CDO1: variants seen among roughly 807,000 people sequenced by gnomAD.
The protein encoded by CDO1 is cysteine dioxygenase type 1.
In CDO1, 19 loss-of-function variants were observed where a neutral mutation model predicts 24.5. The observed-to-expected ratio is 0.77, with a 90% confidence interval of 0.54 to 1.14. CDO1 has a LOEUF of 1.14. CDO1 is among the 50% of genes most tolerant of loss of function. The pLI is 0.00. For synonymous variants in CDO1, 91 were observed against 87.0 expected, an observed-to-expected ratio of 1.05 and a Z score of -0.26; for missense variants, 244 against 244.8, an observed-to-expected ratio of 1.00 and a Z score of 0.02.
intron 2 of CDO1, among the ~76,000 whole-genome samples, chr5:115,812,825 A>C (rs915006986): frequency 3.3e-5 from 5 of 152,082 alleles, no homozygotes; most frequent in African/African-American, 1.2e-4. Flanking sequence ...AGGTGAGTGG[A>C]TCACCTGAGG....
chr5:115,807,694 A>G (rs967951689), intron 3 of CDO1, among the ~76,000 whole-genome samples: 3 of 151,958 alleles, frequency 2.0e-5, no homozygotes, highest in Non-Finnish European at 2.9e-5. Flanking sequence ...AAAAAAGAGG[A>G]ACAGTTCAAG....
chr5:115,807,453 A>G (rs182911496), intron 3 of CDO1, among the ~76,000 whole-genome samples: 1 of 152,176 alleles, frequency 6.6e-6, no homozygotes, highest in African/African-American at 2.4e-5. Context: ...AGTATGAAAG[A>G]CAGAGGGCAG....
At chr5:115,806,091 T>A (rs1759933542) in intron 4 of CDO1, among the ~76,000 whole-genome samples, 1 of 152,212 alleles carries the variant, frequency 6.6e-6, no homozygotes, top group Non-Finnish European at 1.5e-5. Context: ...AAATAATAGT[T>A]TTCACTCTCA....
At chr5:115,814,813 T>C (rs1181981996) in intron 1 of CDO1, among the ~76,000 whole-genome samples, 3 of 152,228 alleles carry the variant, frequency 2.0e-5, no homozygotes, top group Non-Finnish European at 4.4e-5. Context: ...GAAGACCTAG[T>C]GCAAGTCATT....
intron 2 of CDO1, 84 bp downstream of exon 2, chr5:115,813,097 G>T: frequency 1.8e-5 from 8 of 455,850 alleles, no homozygotes; most frequent in Non-Finnish European, 2.9e-5. Flanking sequence ...CTACTTGTAA[G>T]ACCTGTGGCT....
Position 115,816,389 on chromosome 5 carries a change from C to T in CDO1, c.9G>A (p.Gln3=). ME[Q]TEVLKPRTLA... ...GGGTCCGTGGCTTCAGCACTTCGGT[C>T]TGTTCCATCTCGTGGGGAGCTGGCT... The change falls in exon 1 of 5, where the codon CAG becomes CAA. Residue 3 remains glutamine, a synonymous_variant. Coordinates refer to ENST00000250535, the MANE Select transcript of CDO1 (RefSeq NM_001801.3). The T allele has an allele frequency of 6.2e-7, 1 of 1,613,086 alleles. No individual in the cohort carries two copies. Among genetic ancestry groups the T allele is most frequent in the Non-Finnish European group, 8.5e-7 (1 of 1,179,986 alleles).
At chr5:115,808,817 G>A (rs984340988) in intron 3 of CDO1, among the ~76,000 whole-genome samples, 3 of 152,124 alleles carry the variant, frequency 2.0e-5, no homozygotes, top group African/African-American at 4.8e-5. Flanking sequence ...AAGTTTCAGG[G>A]ATTAATCAAG....
In CDO1 at chr5:115,808,406, T is replaced by G. The variant is rs116320852; in HGVS notation, c.404-1888A>C. On this transcript the variant is annotated intron_variant, in intron 3 of 4. Coordinates refer to ENST00000250535, the MANE Select transcript of CDO1 (RefSeq NM_001801.3). ...TAAATTATCAATCAAGTTGTAGGAG[T>G]TGAATATAGAGATATTTAAATATAT... Among the ~76,000 whole-genome samples, 922 of 152,074 alleles carry G rather than the reference T, an allele frequency of 6.1e-3. 9 individuals carry two copies. Among genetic ancestry groups the G allele is most frequent in the African/African-American group, 0.021 (876 of 41,446 alleles).
chr5:115,809,547 C>A (rs1760097407), intron 3 of CDO1: 1 of 152,186 alleles, frequency 6.6e-6, no homozygotes, highest in African/African-American at 2.4e-5. Context: ...CCTGCTAATC[C>A]ACTGACCAAA....
At position 115,805,286 on chromosome 5, in the gene CDO1, T is replaced by C. The variant is rs1759890002; in HGVS notation, c.*147A>G. On this transcript the variant is annotated 3_prime_UTR_variant, in exon 5 of 5. Coordinates refer to ENST00000250535, the MANE Select transcript of CDO1 (RefSeq NM_001801.3). ...CTGAGGGCACTATTTGCTTACTTAA[T>C]GCCTTATAATTAGCATCTGCCTTAC... 1.6e-6 allele frequency: 1 copy of C among 628,902 alleles called. No individual in the cohort carries two copies. The highest frequency in any genetic ancestry group is 2.3e-5 in the South Asian group (1 of 44,418). 39.0% of individuals were successfully genotyped at this position (628,902 alleles called of 1,614,324 possible).
rs748128867 is a variant in CDO1, at chr5:115,805,478, A to G, written c.574-16T>C. ...CCGAAGTTGCCTGTAAAAAAGGGAA[A>G]AAAAGAAAGCTGTGTAAGAAACTTT... On this transcript the variant is annotated splice_polypyrimidine_tract_variant and intron_variant, in intron 4 of 4. Transcript: ENST00000250535. 1 of 1,613,376 alleles carries G rather than the reference A, an allele frequency of 6.2e-7. No homozygotes were observed. Among genetic ancestry groups the G allele is most frequent in the East Asian group, 2.2e-5 (1 of 44,874 alleles).
chr5:115,813,588 G>A (rs182475429), intron 1 of CDO1, among the ~76,000 whole-genome samples: 1 of 150,160 alleles, frequency 6.7e-6, no homozygotes, highest in East Asian at 1.9e-4. Flanking sequence ...TATTTCCAAA[G>A]TGCATTACTG....
chr5:115,813,047 CAAAAAAAAAAA>C (rs1011228490), intron 2 of CDO1, 123 bp downstream of exon 2: 4 of 152,748 alleles, frequency 2.6e-5, no homozygotes, highest in East Asian at 1.5e-4. Context: ...ACCACTGTCT[CAAAAAAAAAAA>C]AAAAAAAAAA....
chr5:115,808,902 G>C (rs1488415397), intron 3 of CDO1, among the ~76,000 whole-genome samples: 1 of 152,174 alleles, frequency 6.6e-6, no homozygotes, highest in Admixed American at 6.5e-5. Context: ...AGCTCCATGA[G>C]TGCACATCAT....
Position 115,816,221 on chromosome 5 carries a change from C to T in CDO1, c.170+7G>A. ...GCCGCCTGGCATTGAAGCTGCAGCG[C>T]GCTCACCTGTACTGGTCGAACTTGG... is the stretch of plus-strand genomic sequence containing the variant. On this transcript the variant is annotated splice_region_variant and intron_variant, in intron 1 of 4. Coordinates refer to ENST00000250535, the MANE Select transcript of CDO1 (RefSeq NM_001801.3). 2 of 1,611,238 alleles carry T rather than the reference C, an allele frequency of 1.2e-6. No homozygotes were observed. The highest frequency in any genetic ancestry group is 8.5e-7 in the Non-Finnish European group (1 of 1,178,386).
At chr5:115,806,583 C>T in intron 3 of CDO1, 65 bp from the exon 4 acceptor site, 3 of 1,176,400 alleles carry the variant, frequency 2.6e-6, no homozygotes, top group Non-Finnish European at 3.7e-6. Flanking sequence ...GGTAAAATCT[C>T]TGTGAGTCAT....
At position 115,816,472 on chromosome 5, in the gene CDO1, G is replaced by A. The variant is rs1760456682; in HGVS notation, c.-75C>T. 35 of 1,538,166 alleles carry A rather than the reference G, an allele frequency of 2.3e-5. No homozygotes were observed. Among genetic ancestry groups the A allele is most frequent in the Non-Finnish European group, 3.0e-5 (34 of 1,128,084 alleles). ...GGAGCTGAGCGAGCCAAGGAGCTGGGGGCGAGGGAGCCTAACAGCCCGCTA... is the reference window on the plus strand; with the variant it reads ...GGAGCTGAGCGAGCCAAGGAGCTGGAGGCGAGGGAGCCTAACAGCCCGCTA... On this transcript the variant is annotated 5_prime_UTR_variant, in exon 1 of 5. Transcript: ENST00000250535.
chr5:115,809,091 C>G lies in CDO1; in HGVS notation c.403+2070G>C, dbSNP rs1386737093. On this transcript the variant is annotated intron_variant, in intron 3 of 4. Coordinates refer to ENST00000250535, the MANE Select transcript of CDO1 (RefSeq NM_001801.3). Reference sequence around the variant, plus strand: ...TGTAGCTTGTTGTGTTCATAATATACTGGCTAAAGCACAGTTTTGAACAAA... The same window carrying G: ...TGTAGCTTGTTGTGTTCATAATATAGTGGCTAAAGCACAGTTTTGAACAAA... Among the ~76,000 whole-genome samples the G allele has an allele frequency of 5.3e-5, 8 of 152,284 alleles. No homozygotes were observed. The East Asian group carries it at 1.5e-3, about 29-fold the overall frequency.
intron 3 of CDO1, among the ~76,000 whole-genome samples, chr5:115,807,872 T>C (rs1760015103): frequency 1.3e-5 from 2 of 151,662 alleles, no homozygotes; most frequent in Non-Finnish European, 2.9e-5. Context: ...CACTGTGAAA[T>C]TTCAGAATAC....
Sources: allele counts gnomAD v4.1 joint callset (sites outside exome capture counted in the v4.1 genomes callset), GRCh38; gene constraint gnomAD v4.1.1; transcripts MANE v1.5; gene names NCBI Gene and HGNC (gene_info 2026-07-23, HGNC 2026-07-21).